The following AP2A1 variants were observed in gnomAD, a reference collection of about 807,000 sequenced individuals.
AP2A1 encodes the protein adaptor related protein complex 2 subunit alpha 1.
A neutral mutation model predicts 107.3 loss-of-function variants in AP2A1; 21 were observed. The observed-to-expected ratio is 0.20, with a 90% CI of 0.14 to 0.28. AP2A1 has a LOEUF of 0.28. Ranked by LOEUF, AP2A1 falls within the 10% of genes least tolerant of loss-of-function variation. The pLI, the probability that AP2A1 is intolerant of heterozygous loss-of-function variation, is 1.00. For synonymous variants in AP2A1, 602 were observed against 564.8 expected (o/e 1.07, Z -0.93); for missense variants, 873 against 1,307.7 (o/e 0.67, Z 5.13).
chr19:49,793,059 G>A lies in AP2A1; in HGVS notation c.672G>A (p.Thr224=), dbSNP rs376365880. 4.1e-5 allele frequency: 66 copies of A among 1,609,976 alleles called. No individual in the cohort carries two copies. The highest frequency in any genetic ancestry group is 5.0e-5 in the Non-Finnish European group (59 of 1,178,338). ...AGAAGAACCCAGATGACTTCAAGAC[G>A]TGCGTCTCTCTGGCTGTGTCGCGCC... The part of the protein sequence containing the change: ...LCKKNPDDFK[T]CVSLAVSRLS... Residue 224 remains threonine (T), a synonymous_variant, in exon 6 of 23, where the codon ACG becomes ACA. Transcript: ENST00000354293.
chr19:49,794,331 C>T (rs2073184817), intron 6 of AP2A1, among the ~76,000 whole-genome samples: 1 of 148,884 alleles, frequency 6.7e-6, no homozygotes, highest in African/African-American at 2.5e-5. Flanking sequence ...TCTCTCGCCT[C>T]AGCCTCCCGA....
intron 11 of AP2A1, among the ~76,000 whole-genome samples, chr19:49,800,532 G>C (rs148496769): frequency 8.3e-4 from 126 of 152,202 alleles, no homozygotes; most frequent in African/African-American, 2.9e-3. Flanking sequence ...GCCGTGGTGC[G>C]ATCTCGGCTC....
intron 3 of AP2A1, 107 bp from the exon 4 acceptor site, chr19:49,782,424 C>T (rs2084688571): frequency 7.9e-7 from 1 of 1,272,710 alleles, no homozygotes; most frequent in Non-Finnish European, 1.1e-6. Flanking sequence ...GGCCTGGACT[C>T]CTGGGTCTGA....
intron 1 of AP2A1, among the ~76,000 whole-genome samples, chr19:49,770,436 A>G (rs1229819688): frequency 1.3e-5 from 2 of 152,188 alleles, no homozygotes. Context: ...TGAACAGGAC[A>G]GACTTGTCCA....
chr19:49,769,305 G>A (rs917117529), intron 1 of AP2A1, among the ~76,000 whole-genome samples: 4 of 152,056 alleles, frequency 2.6e-5, no homozygotes, highest in African/African-American at 7.2e-5. Flanking sequence ...TCCCTTCCCC[G>A]AGGAAGACAG....
At chr19:49,772,430 G>C (rs1039931057) in intron 1 of AP2A1, among the ~76,000 whole-genome samples, 1 of 150,794 alleles carries the variant, frequency 6.6e-6, no homozygotes, top group African/African-American at 2.4e-5. Flanking sequence ...TGCCTACCTC[G>C]GCCTCCCGAA....
chr19:49,802,384 G>T (rs1256416601), intron 15 of AP2A1: 1 of 940,466 alleles, frequency 1.1e-6, no homozygotes, highest in Non-Finnish European at 1.7e-6. Flanking sequence ...TCCTGTCACC[G>T]TTTCTCAGCC....
At chr19:49,791,609 C>G (rs542600817) in intron 4 of AP2A1, among the ~76,000 whole-genome samples, 5 of 152,344 alleles carry the variant, frequency 3.3e-5, no homozygotes, top group African/African-American at 1.2e-4. Context: ...CCACTTTATT[C>G]ACCACTCTAT....
intron 4 of AP2A1, among the ~76,000 whole-genome samples, chr19:49,789,731 G>A (rs1442401077): frequency 6.6e-6 from 1 of 151,810 alleles, no homozygotes; most frequent in Non-Finnish European, 1.5e-5. Context: ...ACCATGCCTG[G>A]CCCACCATCT....
chr19:49,770,135 C>CT (rs1184182727), intron 1 of AP2A1, among the ~76,000 whole-genome samples: 1 of 152,166 alleles, frequency 6.6e-6, no homozygotes, highest in East Asian at 1.9e-4. Flanking sequence ...TCCCAAAGTG[C>CT]TGGCATTATA....
intron 7 of AP2A1, chr19:49,796,084 G>A (rs956532233): frequency 8.9e-5 from 25 of 280,936 alleles, no homozygotes; most frequent in South Asian, 3.2e-4. Context: ...TCACTCACCC[G>A]GTCAGTGGGT....
chr19:49,767,212 G>A lies in AP2A1; in HGVS notation c.67+12G>A. ...CGACATCCGGAACTGTGAGCGCGCG[G>A]CCGGGGGACACTGGAGACGCGGGGG... On this transcript the variant is annotated intron_variant, in intron 1 of 22. Transcript: ENST00000354293. The A allele has an allele frequency of 4.3e-6, 7 of 1,611,304 alleles. No individual in the cohort carries two copies. The highest frequency in any genetic ancestry group is 5.9e-6 in the Non-Finnish European group (7 of 1,179,686).
intron 8 of AP2A1, among the ~76,000 whole-genome samples, 169 bp from the exon 9 acceptor site, chr19:49,799,158 C>T (rs1022431946): frequency 6.6e-6 from 1 of 152,178 alleles, no homozygotes; most frequent in Non-Finnish European, 1.5e-5. Context: ...TCTCTGGGCT[C>T]AAAGGCCCAG....
At chr19:49,798,635 G>A (rs966866987) in intron 7 of AP2A1, among the ~76,000 whole-genome samples, 167 bp from the exon 8 acceptor site, 1 of 152,164 alleles carries the variant, frequency 6.6e-6, no homozygotes, top group East Asian at 1.9e-4. Flanking sequence ...GGGCTGGGAA[G>A]AGGTTGAGGG....
chr19:49,767,139 G>T lies in AP2A1; in HGVS notation c.6G>T (p.Pro2=). 4 of 1,611,586 alleles carry T rather than the reference G, an allele frequency of 2.5e-6. No homozygotes were observed. Among genetic ancestry groups the T allele is most frequent in the Non-Finnish European group, 3.4e-6 (4 of 1,179,674 alleles). The part of the protein sequence containing the change: M[P]AVSKGDGMRG... ...GAGCCGACACCACCGCCATCATGCC[G>T]GCCGTGTCCAAGGGCGATGGGATGC... Residue 2 remains proline, a synonymous_variant, in exon 1 of 23, where the codon CCG becomes CCT. Coordinates refer to ENST00000354293, the MANE Select transcript of AP2A1 (RefSeq NM_130787.3).
intron 4 of AP2A1, among the ~76,000 whole-genome samples, chr19:49,783,125 T>C (rs12609447): frequency 0.12 from 17,739 of 152,254 alleles, 1,286 homozygotes; most frequent in East Asian, 0.24. Flanking sequence ...TGTCCAGAGA[T>C]GGACACGGTC....
Position 49,806,128 on chromosome 19 carries a change from T to C in AP2A1, c.2665T>C (p.Phe889Leu). Residue 889 changes from phenylalanine (F) to leucine (L), a missense_variant, in exon 22 of 23, where the codon TTT becomes CTT. Physicochemically the swap from Phe to Leu is conservative, Grantham distance 22. This residue lies in a region of AP2A1 where 416 missense variants were observed against 473.4 expected (regional missense o/e 0.88). Coordinates refer to ENST00000354293, the MANE Select transcript of AP2A1 (RefSeq NM_130787.3). ...CCCCCCCTCCTCCCAGCTTCTGGGG[T>C]TTGGCTCTGCTCTCCTGGACAATGT... ...AEVTKAKLLGFGSALLDNVDP... is the reference protein window; with the variant it reads ...AEVTKAKLLGLGSALLDNVDP... 6.4e-7 allele frequency: 1 copy of C among 1,567,710 alleles called. No individual in the cohort carries two copies. The highest frequency in any genetic ancestry group is 1.2e-5 in the South Asian group (1 of 86,260).
In AP2A1 at chr19:49,805,572, T is replaced by C; in HGVS notation, c.2464T>C (p.Phe822Leu). The C allele has an allele frequency of 6.3e-7, 1 of 1,575,818 alleles. No individual in the cohort carries two copies. The highest frequency in any genetic ancestry group is 1.3e-5 in the African/African-American group (1 of 74,306). The change falls in exon 19 of 23, where the codon TTC becomes CTC. Residue 822 changes from phenylalanine (F) to leucine (L), a missense_variant. Phe to Leu is a conservative substitution (Grantham distance 22). Transcript: ENST00000354293. The stretch of plus-strand genomic sequence containing the variant: ...GACGCCCCCGCTGCTGTCCGTGCGC[T>C]TCCGGTGAGTCAGGTACGGCGCGGC... ...FLTPPLLSVR[F>L]RYGGAPQALT...
intron 11 of AP2A1, 136 bp downstream of exon 11, chr19:49,800,286 T>C (rs767637151): frequency 3.7e-5 from 42 of 1,123,450 alleles, no homozygotes; most frequent in Non-Finnish European, 5.1e-5. Flanking sequence ...AAATGGGGCC[T>C]CTGCCTCTCT....
Sources: allele counts gnomAD v4.1 joint callset (sites outside exome capture counted in the v4.1 genomes callset), GRCh38; gene constraint gnomAD v4.1.1; regional missense constraint gnomAD v4.1.1; transcripts MANE v1.5; gene names NCBI Gene and HGNC (gene_info 2026-07-23, HGNC 2026-07-21).